Variants in YIPF4 observed in about 807,000 individuals in gnomAD.
YIPF4 encodes the protein Yip1 domain family member 4.
YIPF4 carries 18 observed loss-of-function variants against 29.4 expected under a neutral mutation model. That is an observed-to-expected ratio of 0.61 (90% confidence interval 0.42 to 0.91). The LOEUF is 0.91. YIPF4 is among the 40% of genes least tolerant of loss of function. YIPF4 has a pLI of 0.00. For synonymous variants in YIPF4, 115 were observed against 104.7 expected (o/e 1.10, Z -0.60); for missense variants, 279 against 282.7 (o/e 0.99, Z 0.09).
chr2:32,279,058 C>T (rs2030252844), intron 1 of YIPF4, among the ~76,000 whole-genome samples: 1 of 151,780 alleles, frequency 6.6e-6, no homozygotes, highest in Non-Finnish European at 1.5e-5. Context: ...AGCTCCGCCT[C>T]CCGGGTTCAC....
rs184090832 is a variant in YIPF4 at position 32,303,475 on chromosome 2, G to A, written c.597+1980G>A. Among the ~76,000 whole-genome samples the A allele has an allele frequency of 1.4e-3, 206 of 152,272 alleles. 2 individuals carry two copies. Among genetic ancestry groups the A allele is most frequent in the Admixed American group, 0.012 (176 of 15,298 alleles). ...GTAAATCCCAGCAGTTTGGCAGGCC[G>A]AGGCAGGTGGATCAGTTGAGCCCAG... On this transcript the variant is annotated intron_variant, in intron 5 of 5. Coordinates refer to ENST00000238831, the MANE Select transcript of YIPF4 (RefSeq NM_032312.4).
intron 5 of YIPF4, among the ~76,000 whole-genome samples, chr2:32,305,240 T>G (rs749949791): frequency 6.6e-6 from 1 of 152,158 alleles, no homozygotes; most frequent in Non-Finnish European, 1.5e-5. Flanking sequence ...CCAAGTCTTT[T>G]TAATAGGCAC....
At chr2:32,299,527 C>T (rs1229141241) in intron 4 of YIPF4, among the ~76,000 whole-genome samples, 3 of 152,060 alleles carry the variant, frequency 2.0e-5, no homozygotes, top group Non-Finnish European at 4.4e-5. Context: ...GATATCACAC[C>T]AGAACTCAAG....
At chr2:32,298,860 AATTT>A (rs1275754603) in intron 4 of YIPF4, among the ~76,000 whole-genome samples, 2 of 151,196 alleles carry the variant, frequency 1.3e-5, no homozygotes, top group African/African-American at 4.9e-5. Flanking sequence ...GCCCAGACAA[AATTT>A]ATTTATTTAT....
At chr2:32,289,893 A>G (rs1444175843) in intron 1 of YIPF4, among the ~76,000 whole-genome samples, 2 of 152,324 alleles carry the variant, frequency 1.3e-5, no homozygotes, top group African/African-American at 2.4e-5. Flanking sequence ...CTGAAATAAC[A>G]GGGGACTCTT....
chr2:32,291,510 C>T (rs1054063392), intron 2 of YIPF4, among the ~76,000 whole-genome samples: 1 of 152,308 alleles, frequency 6.6e-6, no homozygotes, highest in East Asian at 1.9e-4. Context: ...CCCCACCGCA[C>T]TCCAGCCTGG....
At chr2:32,294,465 G>T (rs1157435255) in intron 3 of YIPF4, among the ~76,000 whole-genome samples, 1 of 151,310 alleles carries the variant, frequency 6.6e-6, no homozygotes, top group Admixed American at 6.6e-5. Context: ...CATCTCAGAC[G>T]ATGGGCGGCC....
chr2:32,295,973 C>T (rs1040748580), intron 3 of YIPF4, among the ~76,000 whole-genome samples: 4 of 152,210 alleles, frequency 2.6e-5, no homozygotes, highest in Middle Eastern at 3.4e-3. Flanking sequence ...AATAATCTCT[C>T]CATCACAAGA....
intron 3 of YIPF4, among the ~76,000 whole-genome samples, chr2:32,295,234 T>C (rs1342665241): frequency 6.6e-6 from 1 of 152,172 alleles, no homozygotes; most frequent in Non-Finnish European, 1.5e-5. Flanking sequence ...AAACACAACA[T>C]ATATACATCA....
chr2:32,289,517 C>G (rs1357973585), intron 1 of YIPF4, among the ~76,000 whole-genome samples: 3 of 152,116 alleles, frequency 2.0e-5, no homozygotes, highest in Admixed American at 6.6e-5. Flanking sequence ...AAGTATTTTT[C>G]TGAAATAATA....
chr2:32,312,047 T>G lies in YIPF4; in HGVS notation c.*6421T>G, dbSNP rs2031724402. On this transcript the variant is annotated 3_prime_UTR_variant, in exon 6 of 6. Transcript: ENST00000238831. Reference sequence around the variant, plus strand: ...AAACAACTCATATGTTTTGTAATCCTTATGGAGAATTACTTCATGTGATAA... The same window carrying G: ...AAACAACTCATATGTTTTGTAATCCGTATGGAGAATTACTTCATGTGATAA... 6.6e-6 allele frequency: 1 copy of G among 152,212 alleles called. No homozygotes were observed. Among genetic ancestry groups the G allele is most frequent in the Admixed American group, 6.5e-5 (1 of 15,280 alleles). The allele number at this position is 152,212 out of a possible 1,614,324, so 9.4% of individuals were successfully genotyped here. A position where few individuals can be genotyped will look rare whatever the true frequency, so the allele number is the denominator to read the frequency against.
At chr2:32,287,738 A>G (rs1030534185) in intron 1 of YIPF4, among the ~76,000 whole-genome samples, 3 of 152,208 alleles carry the variant, frequency 2.0e-5, no homozygotes, top group Non-Finnish European at 4.4e-5. Flanking sequence ...GGCTTTCAGT[A>G]AGACTTGAAA....
At chr2:32,303,752 C>A (rs1158388662) in intron 5 of YIPF4, among the ~76,000 whole-genome samples, 1 of 152,182 alleles carries the variant, frequency 6.6e-6, no homozygotes, top group African/African-American at 2.4e-5. Context: ...CTAAAGATAC[C>A]TTGTTTTCCT....
rs1034172758 is a variant in YIPF4 at position 32,316,247 on chromosome 2, A to T, written c.*10621A>T. On this transcript the variant is annotated 3_prime_UTR_variant, in exon 6 of 6. Transcript: ENST00000238831. ...TTAAATGGGCAAAGGAAATACTTGG[A>T]CAATCATATCATGTATGTAATATTA... is the stretch of plus-strand genomic sequence containing the variant. 3 of 152,212 alleles carry T rather than the reference A, an allele frequency of 2.0e-5. No homozygotes were observed. The highest frequency in any genetic ancestry group is 7.2e-5 in the African/African-American group (3 of 41,458). The allele number at this position is 152,212 out of a possible 1,614,324, so 9.4% of individuals were successfully genotyped here.
At position 32,307,753 on chromosome 2, in the gene YIPF4, C is replaced by T. The variant is rs965215267; in HGVS notation, c.*2127C>T. 1 of 151,906 alleles carries T rather than the reference C, an allele frequency of 6.6e-6. No homozygotes were observed. Among genetic ancestry groups the T allele is most frequent in the Non-Finnish European group, 1.5e-5 (1 of 68,060 alleles). 9.4% of individuals were successfully genotyped at this position (151,906 alleles called of 1,614,324 possible). ...ACCAGCCTGGCCAACATGGCGAAAC[C>T]CCGTCTCTACTAAAAATACAAAAAT... On this transcript the variant is annotated 3_prime_UTR_variant, in exon 6 of 6. Coordinates refer to ENST00000238831, the MANE Select transcript of YIPF4 (RefSeq NM_032312.4).
At chr2:32,299,703 A>G (rs2031325787) in intron 4 of YIPF4, among the ~76,000 whole-genome samples, 1 of 152,150 alleles carries the variant, frequency 6.6e-6, no homozygotes. Context: ...GGTCCCAGCT[A>G]CTAGGGACTG....
intron 1 of YIPF4, among the ~76,000 whole-genome samples, chr2:32,279,884 T>A (rs2030312760): frequency 2.0e-5 from 3 of 150,950 alleles, no homozygotes; most frequent in Admixed American, 1.3e-4. Flanking sequence ...ACATTTATTT[T>A]TTTTTCTCTT....
At chr2:32,291,672 A>T (rs906161173) in intron 2 of YIPF4, among the ~76,000 whole-genome samples, 2 of 152,254 alleles carry the variant, frequency 1.3e-5, no homozygotes, top group African/African-American at 4.8e-5. Context: ...TCAAAGGGCT[A>T]TCTCCTTATT....
chr2:32,296,107 C>A (rs1191444838), intron 3 of YIPF4, among the ~76,000 whole-genome samples: 1 of 152,190 alleles, frequency 6.6e-6, no homozygotes, highest in Non-Finnish European at 1.5e-5. Context: ...TGGTCTCCTA[C>A]CTACCACTGG....
Sources: gnomAD v4.1 joint callset for allele counts (sites outside exome capture counted in the v4.1 genomes callset) on GRCh38, gnomAD v4.1.1 for gene constraint, MANE v1.5 for transcripts, NCBI Gene and HGNC (gene_info 2026-07-23, HGNC 2026-07-21) for gene names.